GPX4: variants seen among roughly 807,000 people sequenced by gnomAD.
The protein encoded by GPX4 is glutathione peroxidase 4, also known as phospholipid hydroperoxide glutathione peroxidase GPX4.
A neutral mutation model predicts 27.8 loss-of-function variants in GPX4; 28 were observed. That is an observed-to-expected ratio of 1.01 (90% CI 0.75 to 1.38). The LOEUF (loss-of-function observed/expected upper bound fraction) is 1.38, where lower values mean the gene tolerates loss of function less well. Among genes scored for constraint, GPX4 ranks in the 40% most tolerant of loss-of-function variants. GPX4 has a pLI of 0.00. For synonymous variants in GPX4, 163 were observed against 107.8 expected (o/e 1.51, Z -3.17); for missense variants, 357 against 274.1 (o/e 1.30, Z -2.14).
Position 1,104,112 on chromosome 19 carries a change from C to T in GPX4, c.69C>T (p.Gly23=). The change falls in exon 1 of 7, where the codon GGC becomes GGT. Residue 23 remains glycine, a synonymous_variant. Coordinates refer to ENST00000354171, the MANE Select transcript of GPX4 (RefSeq NM_002085.5). The part of the protein sequence containing the change: ...ALLCGALAAP[G]LAGTMCASRD... The stretch of plus-strand genomic sequence containing the variant: ...TCTGTGGGGCTCTGGCCGCGCCTGG[C>T]CTGGCCGGGACCATGGTGAGCTAGC... 6.7e-7 allele frequency: 1 copy of T among 1,503,520 alleles called. No homozygotes were observed. The highest frequency in any genetic ancestry group is 1.2e-5 in the South Asian group (1 of 80,648). The allele number at this position is 1,503,520 out of a possible 1,614,324, so 93.1% of individuals were successfully genotyped here.
intron 4 of GPX4, 93 bp downstream of exon 4, chr19:1,105,902 C>T: frequency 7.1e-7 from 1 of 1,416,070 alleles, no homozygotes; most frequent in Non-Finnish European, 9.5e-7. Flanking sequence ...TGGCTCATGG[C>T]TCGGGGGGCG....
chr19:1,105,155 C>A (rs1265189037), intron 1 of GPX4, 31 bp from the exon 2 acceptor site: 2 of 1,610,084 alleles, frequency 1.2e-6, no homozygotes, highest in East Asian at 4.5e-5. Context: ...CTCCCGTCCA[C>A]GCTCCCTGCT....
rs777613964 is a variant in GPX4, at chr19:1,104,026, G to A, written c.-18G>A. 6.6e-7 allele frequency: 1 copy of A among 1,516,512 alleles called. No homozygotes were observed. Among genetic ancestry groups the A allele is most frequent in the South Asian group, 1.2e-5 (1 of 82,200 alleles). The allele number at this position is 1,516,512 out of a possible 1,614,324, so 93.9% of individuals were successfully genotyped here. ...GGCTGGACGAGGGGAGGAGCCGCTG[G>A]CTCCCAGCCCCGCCGCGATGAGCCT... is the stretch of plus-strand genomic sequence containing the variant. On this transcript the variant is annotated 5_prime_UTR_variant, in exon 1 of 7. Coordinates refer to ENST00000354171, the MANE Select transcript of GPX4 (RefSeq NM_002085.5).
rs1320860061 is a variant in GPX4 at position 1,104,091 on chromosome 19, T to C, written c.48T>C (p.Cys16=). Reference sequence around the variant, plus strand: ...GCCTACTGAAGCCGGCGCTGCTCTGTGGGGCTCTGGCCGCGCCTGGCCTGG... The same window carrying C: ...GCCTACTGAAGCCGGCGCTGCTCTGCGGGGCTCTGGCCGCGCCTGGCCTGG... ...LCRLLKPALL[C]GALAAPGLAG... The change falls in exon 1 of 7, where the codon TGT becomes TGC. Residue 16 remains cysteine, a synonymous_variant. Transcript: ENST00000354171. 7 of 1,512,746 alleles carry C rather than the reference T, an allele frequency of 4.6e-6. No homozygotes were observed. In the East Asian group the frequency reaches 1.9e-4, roughly 40 times the overall value. The allele number at this position is 1,512,746 out of a possible 1,614,324, so 93.7% of individuals were successfully genotyped here. A position where few individuals can be genotyped will look rare whatever the true frequency, so the allele number is the denominator to read the frequency against.
Position 1,104,017 on chromosome 19 carries a change from G to T in GPX4, c.-27G>T, listed in dbSNP as rs1291416690. The T allele has an allele frequency of 1.3e-6, 2 of 1,513,322 alleles. No individual in the cohort carries two copies. The highest frequency in any genetic ancestry group is 2.8e-5 in the African/African-American group (2 of 70,178). The allele number at this position is 1,513,322 out of a possible 1,614,324, so 93.7% of individuals were successfully genotyped here. Reference sequence around the variant, plus strand: ...CCATTGGTCGGCTGGACGAGGGGAGGAGCCGCTGGCTCCCAGCCCCGCCGC... The same window carrying T: ...CCATTGGTCGGCTGGACGAGGGGAGTAGCCGCTGGCTCCCAGCCCCGCCGC... On this transcript the variant is annotated 5_prime_UTR_variant, in exon 1 of 7. Coordinates refer to ENST00000354171, the MANE Select transcript of GPX4 (RefSeq NM_002085.5).
chr19:1,104,353 G>A (rs1232064050), intron 1 of GPX4: 3 of 479,994 alleles, frequency 6.3e-6, no homozygotes, highest in African/African-American at 2.0e-5. Context: ...TGGGGTCGGG[G>A]AAGGGGAAGG....
rs2079643513 is a variant in GPX4, at chr19:1,105,771, G to C, written c.438G>C (p.Trp146Cys). The C allele has an allele frequency of 6.8e-7, 1 of 1,479,364 alleles. No individual in the cohort carries two copies. Among genetic ancestry groups the C allele is most frequent in the South Asian group, 1.2e-5 (1 of 85,910 alleles). 91.6% of individuals were successfully genotyped at this position (1,479,364 alleles called of 1,614,324 possible). Residue 146 changes from tryptophan to cysteine, a missense_variant, in exon 4 of 7, where the codon TGG becomes TGC. Physicochemically the swap from Trp to Cys is radical, Grantham distance 215. Transcript: ENST00000354171. ...ACGACGCCCACCCGCTGTGGAAGTG[G>C]ATGAAGATCCAACCCAAGGGCAAGG... ...NGDDAHPLWK[W>C]MKIQPKGKGI...
chr19:1,106,436 T>C lies in GPX4; in HGVS notation c.538T>C (p.Tyr180His). ...CAAGAACGGCTGCGTGGTGAAGCGC[T>C]ACGGACCCATGGAGGAGCCCCTGGT... ...IDKNGCVVKR[Y>H]GPMEEPLVIE... The change falls in exon 6 of 7, where the codon TAC (tyrosine) becomes CAC (histidine). Residue 180 changes from tyrosine (Y) to histidine (H), a missense_variant. Tyr to His is a moderately conservative substitution (Grantham distance 83). Coordinates refer to ENST00000354171, the MANE Select transcript of GPX4 (RefSeq NM_002085.5). The C allele has an allele frequency of 1.2e-6, 2 of 1,613,366 alleles. No homozygotes were observed. Among genetic ancestry groups the C allele is most frequent in the Non-Finnish European group, 1.7e-6 (2 of 1,179,906 alleles).
Position 1,106,638 on chromosome 19 carries a change from T to C in GPX4, c.*66T>C. ...CCTTGGAGCCTTCCACCGGCACTCATGACGGCCTGCCTGCAAACCTGCTGG... is the reference window on the plus strand; with the variant it reads ...CCTTGGAGCCTTCCACCGGCACTCACGACGGCCTGCCTGCAAACCTGCTGG... On this transcript the variant is annotated 3_prime_UTR_variant, in exon 7 of 7. Coordinates refer to ENST00000354171, the MANE Select transcript of GPX4 (RefSeq NM_002085.5). 2 of 1,601,088 alleles carry C rather than the reference T, an allele frequency of 1.2e-6. No individual in the cohort carries two copies. Among genetic ancestry groups the C allele is most frequent in the South Asian group, 1.1e-5 (1 of 89,876 alleles).
chr19:1,106,125 C>A, intron 4 of GPX4, 117 bp from the exon 5 acceptor site: 1 of 986,370 alleles, frequency 1.0e-6, no homozygotes, highest in Non-Finnish European at 1.5e-6. Flanking sequence ...CTTGGGGGCA[C>A]TGTGGCTGTG....
At chr19:1,104,286 G>A (rs748272313) in intron 1 of GPX4, 159 bp downstream of exon 1, 1 of 654,400 alleles carries the variant, frequency 1.5e-6, no homozygotes. Flanking sequence ...GCACGGACGC[G>A]GGTGACCGTA....
intron 4 of GPX4, 174 bp downstream of exon 4, chr19:1,105,983 A>C: frequency 1.3e-6 from 1 of 767,574 alleles, no homozygotes; most frequent in Non-Finnish European, 2.0e-6. Context: ...GGGGACATAG[A>C]GGGCTGTGGA....
chr19:1,105,839 C>T, intron 4 of GPX4, 30 bp downstream of exon 4: 2 of 294,728 alleles, frequency 6.8e-6, no homozygotes, highest in Admixed American at 6.0e-5. Context: ...AGTACGGCTG[C>T]TGGGGTGGGG....
At chr19:1,105,585 C>G in intron 3 of GPX4, 73 bp from the exon 4 acceptor site, 1 of 1,601,150 alleles carries the variant, frequency 6.2e-7, no homozygotes, top group Non-Finnish European at 8.5e-7. Context: ...TGGAGAGGGC[C>G]TGGGAGTGTG....
rs1249373355 is a variant in GPX4 at position 1,105,649 on chromosome 19, C to T, written c.325-9C>T. On this transcript the variant is annotated splice_polypyrimidine_tract_variant and intron_variant, in intron 3 of 6. Transcript: ENST00000354171. The stretch of plus-strand genomic sequence containing the variant: ...CCCCCGACTCACTCACACACCTTGG[C>T]CGCCACAGGAGCCAGGGAGTAACGA... The T allele has an allele frequency of 1.9e-6, 3 of 1,611,774 alleles. No homozygotes were observed. Among genetic ancestry groups the T allele is most frequent in the Non-Finnish European group, 2.5e-6 (3 of 1,179,178 alleles).
Position 1,106,245 on chromosome 19 carries a change from C to T in GPX4, c.480C>T (p.Ala160=). 6.2e-7 allele frequency: 1 copy of T among 1,602,472 alleles called. No homozygotes were observed. Among genetic ancestry groups the T allele is most frequent in the Non-Finnish European group, 8.5e-7 (1 of 1,173,826 alleles). Residue 160 remains alanine, a synonymous_variant, in exon 5 of 7, where the codon GCC becomes GCT. Transcript: ENST00000354171. ...CGTCCATGTGCTTCTTTTCCAGTGCCATCAAGTGGAACTTCACCAAGGTAA... is the reference window on the plus strand; with the variant it reads ...CGTCCATGTGCTTCTTTTCCAGTGCTATCAAGTGGAACTTCACCAAGGTAA... ...QPKGKGILGN[A]IKWNFTKFLI...
In GPX4 at chr19:1,106,743, C is replaced by T. The variant is rs751931035; in HGVS notation, c.*171C>T. Reference sequence around the variant, plus strand: ...TGCTGGGCTTGGCTCGGCGCCCCCACCCCTGGCTACCTTGTGGGAATAAAC... The same window carrying T: ...TGCTGGGCTTGGCTCGGCGCCCCCATCCCTGGCTACCTTGTGGGAATAAAC... On this transcript the variant is annotated 3_prime_UTR_variant, in exon 7 of 7. Coordinates refer to ENST00000354171, the MANE Select transcript of GPX4 (RefSeq NM_002085.5). 29 of 738,632 alleles carry T rather than the reference C, an allele frequency of 3.9e-5. No homozygotes were observed. The highest frequency in any genetic ancestry group is 5.9e-5 in the Non-Finnish European group (27 of 459,788). The allele number at this position is 738,632 out of a possible 1,614,324, so 45.8% of individuals were successfully genotyped here. A position where few individuals can be genotyped will look rare whatever the true frequency, so the allele number is the denominator to read the frequency against.
At position 1,104,737 on chromosome 19, in the gene GPX4, G is replaced by A. The variant is rs1568531853; in HGVS notation, c.85-449G>A. On this transcript the variant is annotated intron_variant, in intron 1 of 6. Coordinates refer to ENST00000354171, the MANE Select transcript of GPX4 (RefSeq NM_002085.5). Reference sequence around the variant, plus strand: ...GGAGGGGCGGGAGACGGGCGGGTATGGGCCGCGCGGGCGCAGGCTCCCCCG... The same window carrying A: ...GGAGGGGCGGGAGACGGGCGGGTATAGGCCGCGCGGGCGCAGGCTCCCCCG... 39 of 985,562 alleles carry A rather than the reference G, an allele frequency of 4.0e-5. 2 individuals are homozygous for A. The South Asian group carries it at 1.8e-3, about 45-fold the overall frequency. 61.1% of individuals were successfully genotyped at this position (985,562 alleles called of 1,614,324 possible).
chr19:1,106,250 A>G lies in GPX4; in HGVS notation c.485A>G (p.Lys162Arg). 1 of 1,601,166 alleles carries G rather than the reference A, an allele frequency of 6.2e-7. No homozygotes were observed. The highest frequency in any genetic ancestry group is 8.5e-7 in the Non-Finnish European group (1 of 1,172,850). The change falls in exon 5 of 7, where the codon AAG becomes AGG. Residue 162 changes from lysine to arginine, a missense_variant. Physicochemically the swap from Lys to Arg is conservative, Grantham distance 26. Coordinates refer to ENST00000354171, the MANE Select transcript of GPX4 (RefSeq NM_002085.5). ...ATGTGCTTCTTTTCCAGTGCCATCAAGTGGAACTTCACCAAGGTAAGGGGG... is the reference window on the plus strand; with the variant it reads ...ATGTGCTTCTTTTCCAGTGCCATCAGGTGGAACTTCACCAAGGTAAGGGGG... ...KGKGILGNAI[K>R]WNFTKFLIDK... is the part of the protein sequence containing the mutation.
Sources: gnomAD v4.1 joint callset for allele counts on GRCh38, gnomAD v4.1.1 for gene constraint, MANE v1.5 for transcripts, NCBI Gene and HGNC (gene_info 2026-07-23, HGNC 2026-07-21) for gene names.